LRCH1: variants seen among roughly 807,000 people sequenced by gnomAD.
LRCH1 encodes leucine-rich repeat and calponin homology domain-containing protein 1.
LRCH1 carries 23 observed loss-of-function variants against 94.9 expected under a neutral mutation model. The ratio of observed to expected loss-of-function variants is 0.24; its 90% CI spans 0.17 to 0.34. The LOEUF (loss-of-function observed/expected upper bound fraction) is 0.34. Among genes scored for constraint, LRCH1 ranks in the 10% least tolerant of loss-of-function variants. The pLI is 1.00. For synonymous variants in LRCH1, 364 were observed against 354.9 expected (o/e 1.03, Z -0.29); for missense variants, 790 against 945.9 (o/e 0.84, Z 2.16).
intron 19 of LRCH1, 80 bp downstream of exon 19, chr13:46,734,078 G>A: frequency 1.5e-6 from 1 of 659,564 alleles, no homozygotes; most frequent in East Asian, 3.0e-5. Context: ...TTGAATCGAT[G>A]CAAAGCTTTG....
chr13:46,750,495 A>C, intron 18 of LRCH1: 2 of 1,296,300 alleles, frequency 1.5e-6, no homozygotes, highest in Non-Finnish European at 2.2e-6. Context: ...TTACAATGAG[A>C]GTACAATCAT....
chr13:46,593,895 T>C (rs976892172), intron 1 of LRCH1, among the ~76,000 whole-genome samples: 51 of 152,208 alleles, frequency 3.4e-4, no homozygotes, highest in African/African-American at 1.2e-3. Flanking sequence ...AAATGAACTT[T>C]TTTTCTTCTT....
chr13:46,614,295 G>A (rs1056975355), intron 1 of LRCH1, among the ~76,000 whole-genome samples: 1 of 151,962 alleles, frequency 6.6e-6, no homozygotes, highest in Non-Finnish European at 1.5e-5. Flanking sequence ...TGCCTTTTGA[G>A]GCAGTATAGT....
downstream of LRCH1, among the ~76,000 whole-genome samples, chr13:46,745,644 C>T (rs1263637431): frequency 6.6e-6 from 1 of 152,140 alleles, no homozygotes; most frequent in Non-Finnish European, 1.5e-5. Flanking sequence ...GTCTCCATTT[C>T]ACATTGAAGA....
chr13:46,563,727 A>G (rs1316993967), intron 1 of LRCH1, among the ~76,000 whole-genome samples: 1 of 152,204 alleles, frequency 6.6e-6, no homozygotes, highest in African/African-American at 2.4e-5. Context: ...ATGCCTTTCT[A>G]TTGCAACCTG....
At chr13:46,611,656 T>C (rs911351701) in intron 1 of LRCH1, among the ~76,000 whole-genome samples, 3 of 152,204 alleles carry the variant, frequency 2.0e-5, no homozygotes, top group Non-Finnish European at 2.9e-5. Flanking sequence ...ATGCTGTGAG[T>C]GTAAAATACA....
At chr13:46,664,904 A>AACAGGTGGCCTTTCTCTCTTTATCTCTT (rs2051495653) in intron 2 of LRCH1, among the ~76,000 whole-genome samples, 1 of 152,178 alleles carries the variant, frequency 6.6e-6, no homozygotes, top group Non-Finnish European at 1.5e-5. Context: ...AAAATTTCAC[A>AACAGGTGGCCTTTCTCTCTTTATCTCTT]ACAGGTGGCC....
chr13:46,750,641 G>A, exon 19 of LRCH1: 2 of 1,550,448 alleles, frequency 1.3e-6, no homozygotes, highest in Non-Finnish European at 1.7e-6. Context: ...CGAAGGCTCT[G>A]TTCACATGAA....
chr13:46,630,189 T>C (rs190376361), intron 1 of LRCH1, among the ~76,000 whole-genome samples: 15 of 152,320 alleles, frequency 9.8e-5, no homozygotes, highest in Admixed American at 3.9e-4. Context: ...ATAATGGCCA[T>C]ATGGAAAGTC....
At chr13:46,626,445 A>T (rs2050950847) in intron 1 of LRCH1, among the ~76,000 whole-genome samples, 1 of 152,204 alleles carries the variant, frequency 6.6e-6, no homozygotes, top group African/African-American at 2.4e-5. Context: ...TGATCAATGT[A>T]CTTTGTAATC....
intron 3 of LRCH1, among the ~76,000 whole-genome samples, chr13:46,676,183 C>T (rs2138132109): frequency 6.6e-6 from 1 of 151,812 alleles, no homozygotes; most frequent in South Asian, 2.1e-4. Context: ...ATCGCTTGAA[C>T]CTGGGAGGTG....
chr13:46,705,263 C>CA lies in LRCH1; in HGVS notation c.1491-4dup. ...ATCTTTTTTTTTCTTTCCTTGTTCT[C>CA]ACAGTGGTCAAATACAGCTGGAGAC... On this transcript the variant is annotated splice_polypyrimidine_tract_variant and splice_region_variant and intron_variant, in intron 12 of 19. Transcript: ENST00000389797. 2 of 1,610,752 alleles carry CA rather than the reference C, an allele frequency of 1.2e-6. No individual in the cohort carries two copies. Among genetic ancestry groups the CA allele is most frequent in the Admixed American group, 3.3e-5 (2 of 59,828 alleles).
intron 1 of LRCH1, among the ~76,000 whole-genome samples, chr13:46,582,489 G>T (rs1242699510): frequency 3.0e-5 from 4 of 132,496 alleles, no homozygotes; most frequent in African/African-American, 5.7e-5. Flanking sequence ...TGAACATATT[G>T]TTTTTTTTTT....
At chr13:46,574,291 A>G (rs560304877) in intron 1 of LRCH1, among the ~76,000 whole-genome samples, 5 of 152,288 alleles carry the variant, frequency 3.3e-5, no homozygotes, top group African/African-American at 1.2e-4. Context: ...CCTGTATGAA[A>G]GTATCTCATG....
intron 18 of LRCH1, among the ~76,000 whole-genome samples, chr13:46,729,513 C>T (rs1872994125): frequency 1.4e-5 from 2 of 142,626 alleles, no homozygotes; most frequent in Non-Finnish European, 1.5e-5. Context: ...GATTGTGCCA[C>T]TGCACTCCAG....
chr13:46,587,605 T>A (rs1376408621), intron 1 of LRCH1, among the ~76,000 whole-genome samples: 3 of 152,238 alleles, frequency 2.0e-5, no homozygotes, highest in African/African-American at 7.2e-5. Flanking sequence ...TTTTAGTAAA[T>A]GCTTCTTTTA....
intron 1 of LRCH1, among the ~76,000 whole-genome samples, chr13:46,554,866 A>G (rs1037474129): frequency 6.6e-6 from 1 of 152,210 alleles, no homozygotes; most frequent in Non-Finnish European, 1.5e-5. Flanking sequence ...CTCATGGCCC[A>G]GGGTCAGACC....
intron 19 of LRCH1, among the ~76,000 whole-genome samples, chr13:46,735,689 C>G (rs1873333779): frequency 6.6e-6 from 1 of 151,576 alleles, no homozygotes; most frequent in Non-Finnish European, 1.5e-5. Flanking sequence ...AGTGAATGAT[C>G]TTTATCTGGC....
At chr13:46,597,869 G>A (rs2050582390) in intron 1 of LRCH1, among the ~76,000 whole-genome samples, 1 of 151,920 alleles carries the variant, frequency 6.6e-6, no homozygotes, top group South Asian at 2.1e-4. Context: ...TGAAAATTTT[G>A]TGACCAGAGG....
Sources: allele counts gnomAD v4.1 joint callset (sites outside exome capture counted in the v4.1 genomes callset), GRCh38; gene constraint gnomAD v4.1.1; transcripts MANE v1.5; gene names NCBI Gene and HGNC (gene_info 2026-07-23, HGNC 2026-07-21).